Variants in KHDRBS2 observed in about 807,000 individuals in gnomAD.
The protein encoded by KHDRBS2 is KH domain-containing, RNA-binding, signal transduction-associated protein 2.
Under a neutral mutation model 44.3 loss-of-function variants are expected in KHDRBS2, and 26 were observed. That is an observed-to-expected ratio of 0.59 (90% CI 0.43 to 0.81). The LOEUF (loss-of-function observed/expected upper bound fraction) is 0.81, where lower values mean the gene tolerates loss of function less well. Among genes scored for constraint, KHDRBS2 ranks in the 40% least tolerant of loss-of-function variants. The pLI is 0.00. For synonymous variants in KHDRBS2, 194 were observed against 151.1 expected (o/e 1.28, Z -2.08); for missense variants, 476 against 433.1 (o/e 1.10, Z -0.88).
At chr6:61,710,558 A>C (rs1770326899) in intron 7 of KHDRBS2, among the ~76,000 whole-genome samples, 1 of 151,422 alleles carries the variant, frequency 6.6e-6, no homozygotes, top group Admixed American at 6.6e-5. Context: ...GTGTCTCTTA[A>C]AGACCCCAGT....
At chr6:61,988,736 G>A (rs1410061785) in intron 3 of KHDRBS2, among the ~76,000 whole-genome samples, 1 of 152,164 alleles carries the variant, frequency 6.6e-6, no homozygotes, top group Non-Finnish European at 1.5e-5. Context: ...AAGAGCAAAG[G>A]TATCAGGGCA....
Position 61,955,259 on chromosome 6 carries a change from T to C in KHDRBS2, c.483+22807A>G, listed in dbSNP as rs556394498. ...ACGTATGTATGTATACATATATATG[T>C]ATACATATACGTGTAAATATACTCA... On this transcript the variant is annotated intron_variant, in intron 4 of 8. Transcript: ENST00000281156. 3.4e-5 allele frequency among the ~76,000 whole-genome samples: 5 copies of C among 146,300 alleles called. No individual in the cohort carries two copies. In the East Asian group the frequency reaches 1.0e-3, roughly 31 times the overall value.
At position 62,007,193 on chromosome 6, in the gene KHDRBS2, C is replaced by T. The variant is rs148709130; in HGVS notation, c.337-28981G>A. ...CAGTTGTACTTTTTCAAAAATTAAG[C>T]CTCTTCCATTTCTCCAGAGTCTTCC... is the stretch of plus-strand genomic sequence containing the variant. On this transcript the variant is annotated intron_variant, in intron 3 of 8. Coordinates refer to ENST00000281156, the MANE Select transcript of KHDRBS2 (RefSeq NM_152688.4). 2.8e-3 allele frequency among the ~76,000 whole-genome samples: 420 copies of T among 152,114 alleles called. 3 individuals carry two copies. The highest frequency in any genetic ancestry group is 9.2e-3 in the African/African-American group (384 of 41,530).
At chr6:61,817,565 TAC>T (rs1416909354) in intron 6 of KHDRBS2, among the ~76,000 whole-genome samples, 2 of 152,160 alleles carry the variant, frequency 1.3e-5, no homozygotes, top group Non-Finnish European at 2.9e-5. Flanking sequence ...TGCTATGTTT[TAC>T]ACAGTCTGTT....
intron 7 of KHDRBS2, among the ~76,000 whole-genome samples, chr6:61,717,095 A>ATGGTT (rs1771562467): frequency 6.6e-6 from 1 of 152,036 alleles, no homozygotes; most frequent in African/African-American, 2.4e-5. Context: ...AGTAGAGAAA[A>ATGGTT]TGGTTTTTCT....
intron 1 of KHDRBS2, among the ~76,000 whole-genome samples, chr6:62,189,411 C>A (rs1244286326): frequency 1.3e-5 from 2 of 151,948 alleles, no homozygotes; most frequent in African/African-American, 4.8e-5. Context: ...TGCATCCAGG[C>A]TTTTCCAAAA....
intron 2 of KHDRBS2, among the ~76,000 whole-genome samples, chr6:62,075,141 T>C (rs536761061): frequency 6.6e-6 from 1 of 152,024 alleles, no homozygotes; most frequent in Non-Finnish European, 1.5e-5. Context: ...GTTTGTGTCC[T>C]CCCAAAATTC....
chr6:61,986,347 G>A (rs1470009953), intron 3 of KHDRBS2, among the ~76,000 whole-genome samples: 1 of 152,098 alleles, frequency 6.6e-6, no homozygotes, highest in East Asian at 1.9e-4. Context: ...TTATGTTAAT[G>A]AATGTTTATT....
At chr6:61,915,448 G>A (rs979319559) in intron 4 of KHDRBS2, among the ~76,000 whole-genome samples, 2 of 151,920 alleles carry the variant, frequency 1.3e-5, no homozygotes, top group Non-Finnish European at 2.9e-5. Flanking sequence ...TCTCATGAAG[G>A]GGCTTTTTGT....
intron 3 of KHDRBS2, among the ~76,000 whole-genome samples, chr6:61,997,199 ATTC>A (rs931464858): frequency 3.3e-5 from 5 of 152,220 alleles, no homozygotes; most frequent in African/African-American, 1.2e-4. Context: ...GATTGTTAAT[ATTC>A]TTCTTAAAGT....
chr6:62,144,033 T>C (rs1813415003), intron 2 of KHDRBS2, among the ~76,000 whole-genome samples: 1 of 151,920 alleles, frequency 6.6e-6, no homozygotes, highest in African/African-American at 2.4e-5. Flanking sequence ...CTAGTAAACA[T>C]AGCTCTGTAG....
At chr6:61,727,123 C>G (rs1773702257) in intron 7 of KHDRBS2, among the ~76,000 whole-genome samples, 1 of 151,670 alleles carries the variant, frequency 6.6e-6, no homozygotes, top group Non-Finnish European at 1.5e-5. Flanking sequence ...AGACCACACA[C>G]CTACAACCAT....
intron 6 of KHDRBS2, among the ~76,000 whole-genome samples, chr6:61,865,520 T>A (rs1158808152): frequency 3.3e-5 from 5 of 151,960 alleles, no homozygotes; most frequent in Non-Finnish European, 1.5e-5. Context: ...GGGAAAGACC[T>A]CCCACCATGA....
intron 3 of KHDRBS2, among the ~76,000 whole-genome samples, chr6:62,041,429 T>G (rs1786493277): frequency 6.6e-6 from 1 of 152,136 alleles, no homozygotes; most frequent in Non-Finnish European, 1.5e-5. Flanking sequence ...ATCATTATAA[T>G]TCTGGCTTAT....
the KHDRBS2 span, among the ~76,000 whole-genome samples, chr6:61,547,428 A>G: frequency 6.6e-6 from 1 of 152,116 alleles, no homozygotes; most frequent in Non-Finnish European, 1.5e-5. Context: ...GCAGGTTGAA[A>G]ACAAACATTT....
the KHDRBS2 span, among the ~76,000 whole-genome samples, chr6:61,547,154 C>A: frequency 6.6e-6 from 1 of 152,012 alleles, no homozygotes; most frequent in Non-Finnish European, 1.5e-5. Context: ...GTGCAAACTC[C>A]ACACAGACAG....
intron 2 of KHDRBS2, among the ~76,000 whole-genome samples, chr6:62,154,882 G>A (rs1238613040): frequency 6.6e-6 from 1 of 152,168 alleles, no homozygotes; most frequent in Non-Finnish European, 1.5e-5. Context: ...CACAATTCAA[G>A]GGAAGAAGGG....
At chr6:62,171,435 T>G (rs1402527854) in intron 2 of KHDRBS2, among the ~76,000 whole-genome samples, 1 of 151,868 alleles carries the variant, frequency 6.6e-6, no homozygotes, top group Non-Finnish European at 1.5e-5. Flanking sequence ...TATGGGATTA[T>G]GTAAAGAGAT....
intron 4 of KHDRBS2, among the ~76,000 whole-genome samples, chr6:61,926,046 CT>C (rs1305447707): frequency 6.6e-6 from 1 of 151,806 alleles, no homozygotes; most frequent in African/African-American, 2.4e-5. Flanking sequence ...ATTATGAAAA[CT>C]TAAGTATTTA....
Sources: gnomAD v4.1 joint callset for allele counts (sites outside exome capture counted in the v4.1 genomes callset) on GRCh38, gnomAD v4.1.1 for gene constraint, MANE v1.5 for transcripts, NCBI Gene and HGNC (gene_info 2026-07-23, HGNC 2026-07-21) for gene names.